The following MEGF10 variants were observed in gnomAD, a reference collection of about 807,000 sequenced individuals.
The protein encoded by MEGF10 is multiple epidermal growth factor-like domains protein 10.
Under a neutral mutation model 147.5 loss-of-function variants are expected in MEGF10, and 86 were observed. The observed-to-expected ratio is 0.58, with a 90% CI of 0.49 to 0.70. MEGF10 has a LOEUF of 0.70. Ranked by LOEUF, MEGF10 falls within the 30% of genes least tolerant of loss-of-function variation. MEGF10 has a pLI of 0.00. For missense variants in MEGF10, 1,329 were observed against 1,487.3 expected (o/e 0.89, Z 1.75); for synonymous variants, 478 against 525.5 (o/e 0.91, Z 1.24).
At chr5:127,272,536 G>T in the MEGF10 span, among the ~76,000 whole-genome samples, 1 of 152,092 alleles carries the variant, frequency 6.6e-6, no homozygotes, top group Non-Finnish European at 1.5e-5. Flanking sequence ...CCATTTTCAC[G>T]ATATTGATTC....
rs1239467178 is a variant in MEGF10, at chr5:127,359,404, G to A, written c.320-10506G>A. On this transcript the variant is annotated intron_variant, in intron 4 of 24. Coordinates refer to ENST00000503335, the MANE Select transcript of MEGF10 (RefSeq NM_001256545.2). The stretch of plus-strand genomic sequence containing the variant: ...AGGTAAAATTGACATACAATAAGCT[G>A]CACATTTTAAAAGGTACAATTTGAT... Among the ~76,000 whole-genome samples the A allele has an allele frequency of 2.0e-5, 3 of 151,650 alleles. No individual in the cohort carries two copies. The East Asian group carries it at 5.8e-4, about 29-fold the overall frequency.
chr5:127,449,334 C>T, intron 22 of MEGF10, 112 bp downstream of exon 22: 1 of 1,444,422 alleles, frequency 6.9e-7, no homozygotes, highest in East Asian at 2.3e-5. Context: ...CATCAAAAAG[C>T]ACAATAGCAG....
At chr5:127,396,028 C>T (rs1028620288) in intron 5 of MEGF10, among the ~76,000 whole-genome samples, 6 of 152,126 alleles carry the variant, frequency 3.9e-5, no homozygotes, top group South Asian at 2.1e-4. Context: ...TGCCTCTCAT[C>T]GTCAGCTCCT....
intron 21 of MEGF10, among the ~76,000 whole-genome samples, chr5:127,448,147 T>G (rs1766019341): frequency 1.3e-5 from 2 of 152,232 alleles, no homozygotes; most frequent in African/African-American, 4.8e-5. Context: ...CCACCTGTGC[T>G]TTAGTAACAA....
chr5:127,377,261 C>T (rs1413190837), intron 5 of MEGF10, among the ~76,000 whole-genome samples: 2 of 152,296 alleles, frequency 1.3e-5, no homozygotes, highest in South Asian at 2.1e-4. Flanking sequence ...CATTTGTTTT[C>T]TTATTCCATA....
rs1018998932 is a variant in MEGF10, at chr5:127,458,674, G to A, written c.*1356G>A. 3 of 152,102 alleles carry A rather than the reference G, an allele frequency of 2.0e-5. No individual in the cohort carries two copies. The highest frequency in any genetic ancestry group is 7.2e-5 in the African/African-American group (3 of 41,436). 9.4% of individuals were successfully genotyped at this position (152,102 alleles called of 1,614,324 possible). A position where few individuals can be genotyped will look rare whatever the true frequency, so the allele number is the denominator to read the frequency against. ...AACCACAAGTGATTGGCTTATAAATGAAGTAGAAATGCTTTTTAATATTCC... is the reference window on the plus strand; with the variant it reads ...AACCACAAGTGATTGGCTTATAAATAAAGTAGAAATGCTTTTTAATATTCC... On this transcript the variant is annotated 3_prime_UTR_variant, in exon 25 of 25. Coordinates refer to ENST00000503335, the MANE Select transcript of MEGF10 (RefSeq NM_001256545.2).
At chr5:127,391,102 G>GCGCGCGCGCGCACA (rs1426600414) in intron 5 of MEGF10, among the ~76,000 whole-genome samples, 3 of 53,892 alleles carry the variant, frequency 5.6e-5, no homozygotes, top group Non-Finnish European at 1.5e-4. Context: ...GCGCGCGCGC[G>GCGCGCGCGCGCACA]CACACACACA....
At chr5:127,415,996 A>G (rs532470818) in intron 9 of MEGF10, among the ~76,000 whole-genome samples, 26 of 151,776 alleles carry the variant, frequency 1.7e-4, no homozygotes, top group Admixed American at 1.4e-3. Context: ...TACTGAGGGA[A>G]AGAACAAGGG....
chr5:127,337,229 C>T (rs369783671), intron 2 of MEGF10, among the ~76,000 whole-genome samples: 20 of 152,150 alleles, frequency 1.3e-4, no homozygotes, highest in South Asian at 6.2e-4. Context: ...TGATTGATTA[C>T]AGTTTGCTAC....
intron 8 of MEGF10, among the ~76,000 whole-genome samples, chr5:127,405,050 G>T (rs1320244626): frequency 3.3e-5 from 5 of 152,086 alleles, no homozygotes; most frequent in Admixed American, 6.6e-5. Flanking sequence ...TCTCTCTAGG[G>T]TTGTAAGGAT....
chr5:127,318,483 A>G (rs1760653814), intron 1 of MEGF10, among the ~76,000 whole-genome samples: 1 of 152,244 alleles, frequency 6.6e-6, no homozygotes, highest in South Asian at 2.1e-4. Flanking sequence ...CATACCAAGT[A>G]GCCATGGTTG....
chr5:127,241,378 C>T, the MEGF10 span, among the ~76,000 whole-genome samples: 1 of 152,106 alleles, frequency 6.6e-6, no homozygotes, highest in Non-Finnish European at 1.5e-5. Context: ...AAGCTCTCTT[C>T]TTATAGGTAA....
chr5:127,276,316 A>G, the MEGF10 span, among the ~76,000 whole-genome samples: 5 of 152,346 alleles, frequency 3.3e-5, no homozygotes, highest in African/African-American at 1.2e-4. Context: ...AATATCCCAG[A>G]GGGTAGTTGG....
the MEGF10 span, among the ~76,000 whole-genome samples, chr5:127,284,704 C>T: frequency 1.3e-5 from 2 of 150,824 alleles, no homozygotes; most frequent in African/African-American, 4.9e-5. Flanking sequence ...TAACCTTCTG[C>T]CATACTTATG....
At chr5:127,421,503 T>C (rs997674793) in intron 12 of MEGF10, among the ~76,000 whole-genome samples, 12 of 152,324 alleles carry the variant, frequency 7.9e-5, no homozygotes, top group African/African-American at 2.4e-4. Context: ...TTTCCCAGGA[T>C]CTGTGGTGAA....
Position 127,371,191 on chromosome 5 carries a change from CTGTGTGTGTGTGTGTG to C in MEGF10, c.412+1229_412+1244del, listed in dbSNP as rs10591122. 6.9e-3 allele frequency among the ~76,000 whole-genome samples: 870 copies of C among 126,240 alleles called. 4 individuals are homozygous for C. Among genetic ancestry groups the C allele is most frequent in the South Asian group, 0.018 (61 of 3,352 alleles). The allele number at this position is 126,240 out of a possible 152,430, so 82.8% of individuals were successfully genotyped here. A position where few individuals can be genotyped will look rare whatever the true frequency, so the allele number is the denominator to read the frequency against. ...ACTGTACCTTAAACAGGGACTGGGACTGTGTGTGTGTGTGTGTGTGTGTGTGTGTGTGTGTGTGTGT... is the reference window on the plus strand; with the variant it reads ...ACTGTACCTTAAACAGGGACTGGGACTGTGTGTGTGTGTGTGTGTGTGTGT... On this transcript the variant is annotated intron_variant, in intron 5 of 24. Coordinates refer to ENST00000503335, the MANE Select transcript of MEGF10 (RefSeq NM_001256545.2).
chr5:127,246,797 T>C, the MEGF10 span, among the ~76,000 whole-genome samples: 1 of 51,542 alleles, frequency 1.9e-5, no homozygotes, highest in Non-Finnish European at 5.0e-5. Context: ...ATTTATAATA[T>C]TTATAAATAT....
Position 127,396,612 on chromosome 5 carries a change from G to C in MEGF10, c.493G>C (p.Gly165Arg), listed in dbSNP as rs765084824. Residue 165 changes from glycine to arginine, a missense_variant, in exon 6 of 25, where the codon GGG becomes CGG. Around this residue, in one of 3 missense-constraint regions of MEGF10, gnomAD observed 980 missense variants for 1,085.9 expected, o/e 0.90. Coordinates refer to ENST00000503335, the MANE Select transcript of MEGF10 (RefSeq NM_001256545.2). ...KNGALCNPIT[G>R]ACHCAAGFRG... ...TGGGGCTCTGTGCAACCCCATCACC[G>C]GGGCTTGCCACTGTGCTGCGGGCTT... The C allele has an allele frequency of 6.2e-7, 1 of 1,612,982 alleles. No homozygotes were observed. The highest frequency in any genetic ancestry group is 1.1e-5 in the South Asian group (1 of 90,968).
chr5:127,383,995 G>A (rs936093526), intron 5 of MEGF10, among the ~76,000 whole-genome samples: 1 of 152,170 alleles, frequency 6.6e-6, no homozygotes, highest in Non-Finnish European at 1.5e-5. Context: ...AGGAAGATAA[G>A]CATTTTCACA....
Sources: gnomAD v4.1 joint callset for allele counts (sites outside exome capture counted in the v4.1 genomes callset) on GRCh38, gnomAD v4.1.1 for gene constraint, gnomAD v4.1.1 regional missense constraint, MANE v1.5 for transcripts, NCBI Gene and HGNC (gene_info 2026-07-23, HGNC 2026-07-21) for gene names.